Variants in SHANK2 observed in about 807,000 individuals in gnomAD.
SHANK2 encodes the protein SH3 and multiple ankyrin repeat domains 2, also known as SH3 and multiple ankyrin repeat domains protein 2.
SHANK2 carries 43 observed loss-of-function variants against 133.7 expected under a neutral mutation model. The ratio of observed to expected loss-of-function variants is 0.32; its 90% CI spans 0.25 to 0.41. The LOEUF (loss-of-function observed/expected upper bound fraction) is 0.41, where lower values mean the gene tolerates loss of function less well. Ranked by LOEUF, SHANK2 falls within the 10% of genes least tolerant of loss-of-function variation. SHANK2 has a pLI of 1.00. For synonymous variants in SHANK2, 1,017 were observed against 952.8 expected, an observed-to-expected ratio of 1.07 and a Z score of -1.24; for missense variants, 1,994 against 2,235.8, an observed-to-expected ratio of 0.89 and a Z score of 2.18.
At chr11:71,238,685 C>T (rs1377913137) in intron 1 of SHANK2, among the ~76,000 whole-genome samples, 3 of 152,274 alleles carry the variant, frequency 2.0e-5, no homozygotes, top group Admixed American at 2.0e-4. Context: ...GCCTAGAGAA[C>T]AGTGTGCTGA....
chr11:70,847,136 CTG>C (rs1457238183), intron 11 of SHANK2, among the ~76,000 whole-genome samples: 11 of 152,178 alleles, frequency 7.2e-5, no homozygotes, highest in Admixed American at 7.2e-4. Flanking sequence ...GGGTCCTTGA[CTG>C]TGCTGCGACC....
At chr11:71,084,171 C>T (rs948082693) in intron 8 of SHANK2, among the ~76,000 whole-genome samples, 161 of 152,228 alleles carry the variant, frequency 1.1e-3, no homozygotes, top group Non-Finnish European at 2.0e-3. Context: ...TGGGGTTTCA[C>T]CGTGTTAGCC....
chr11:71,082,953 C>G (rs1419275932), intron 8 of SHANK2, among the ~76,000 whole-genome samples: 6 of 148,688 alleles, frequency 4.0e-5, no homozygotes, highest in African/African-American at 1.5e-4. Flanking sequence ...GCCCCCCCCC[C>G]AACCCTTCTG....
At chr11:70,934,168 G>A (rs1362223114) in intron 10 of SHANK2, among the ~76,000 whole-genome samples, 1 of 150,710 alleles carries the variant, frequency 6.6e-6, no homozygotes, top group African/African-American at 2.4e-5. Flanking sequence ...GGAGTTGGAG[G>A]GTGCAGTGAA....
rs550537365 is a variant in SHANK2, at chr11:70,662,931, C to G, written c.1854-1253G>C. On this transcript the variant is annotated intron_variant, in intron 15 of 25. Coordinates refer to ENST00000601538, the MANE Select transcript of SHANK2 (RefSeq NM_012309.5). ...GAGATGAAGGCTACCGGCACCCCCC[C>G]GCCCCGTAGGACTCTGCTGCTGCCC... Among the ~76,000 whole-genome samples the G allele has an allele frequency of 8.5e-4, 129 of 152,236 alleles. 2 individuals are homozygous for G. The highest frequency in any genetic ancestry group is 4.8e-3 in the Admixed American group (73 of 15,300).
intron 12 of SHANK2, among the ~76,000 whole-genome samples, chr11:70,816,943 G>A (rs543603112): frequency 2.8e-4 from 42 of 152,312 alleles, no homozygotes; most frequent in Admixed American, 2.0e-3. Context: ...ATGTCCCTGC[G>A]CCCAGCATGG....
At chr11:70,862,180 G>A (rs550444605) in intron 11 of SHANK2, among the ~76,000 whole-genome samples, 2 of 152,272 alleles carry the variant, frequency 1.3e-5, no homozygotes, top group East Asian at 3.9e-4. Context: ...CAGTGCCCAG[G>A]TGCCAGCTCC....
chr11:71,113,253 G>A (rs782516471), intron 5 of SHANK2, 40 bp downstream of exon 5: 84 of 1,519,480 alleles, frequency 5.5e-5, no homozygotes, highest in Middle Eastern at 5.0e-4. Flanking sequence ...GGAGGACGCC[G>A]CCTGCCTAAC....
intron 10 of SHANK2, among the ~76,000 whole-genome samples, chr11:70,927,614 T>A (rs1555081833): frequency 6.6e-6 from 1 of 152,072 alleles, no homozygotes; most frequent in Non-Finnish European, 1.5e-5. Flanking sequence ...GAAATTCCCA[T>A]TAAGACACAG....
At chr11:71,143,208 C>T (rs1387702812) in intron 3 of SHANK2, among the ~76,000 whole-genome samples, 2 of 152,140 alleles carry the variant, frequency 1.3e-5, no homozygotes, top group Non-Finnish European at 2.9e-5. Context: ...GCACACCAGC[C>T]TGGGTGACAG....
At chr11:71,109,283 G>A (rs1951851561) in intron 6 of SHANK2, among the ~76,000 whole-genome samples, 3 of 152,082 alleles carry the variant, frequency 2.0e-5, no homozygotes, top group South Asian at 4.1e-4. Context: ...CTGTCACCTG[G>A]GGTGACAGTG....
chr11:70,502,374 G>T, intron 18 of SHANK2, 88 bp from the exon 19 acceptor site: 2 of 1,308,420 alleles, frequency 1.5e-6, no homozygotes, highest in Non-Finnish European at 2.1e-6. Context: ...GTGGCTGGCA[G>T]GTGGGTCTCA....
intron 12 of SHANK2, among the ~76,000 whole-genome samples, chr11:70,813,874 T>C (rs1261380751): frequency 1.3e-5 from 2 of 152,142 alleles, no homozygotes; most frequent in East Asian, 3.9e-4. Flanking sequence ...GCCTCTGTGA[T>C]TCTGGTGACG....
chr11:70,641,272 A>G (rs1555006244), intron 17 of SHANK2, among the ~76,000 whole-genome samples: 2 of 151,576 alleles, frequency 1.3e-5, no homozygotes, highest in African/African-American at 2.4e-5. Flanking sequence ...ATTTTTTTGT[A>G]TTAGTAGAGA....
At chr11:70,899,629 A>G (rs1161554354) in intron 10 of SHANK2, among the ~76,000 whole-genome samples, 1 of 152,186 alleles carries the variant, frequency 6.6e-6, no homozygotes, top group Non-Finnish European at 1.5e-5. Flanking sequence ...ATCTCTTCCT[A>G]TAGCCCACCT....
chr11:71,167,806 C>A, intron 2 of SHANK2, among the ~76,000 whole-genome samples: 1 of 140,174 alleles, frequency 7.1e-6, no homozygotes, highest in Non-Finnish European at 1.5e-5. Flanking sequence ...CTGATCCCCC[C>A]ACCTCCCTCC....
intron 2 of SHANK2, among the ~76,000 whole-genome samples, chr11:71,164,258 A>G (rs1292416531): frequency 6.6e-6 from 1 of 152,202 alleles, no homozygotes; most frequent in African/African-American, 2.4e-5. Context: ...CTGGCAGTGG[A>G]GGGCTGGGGG....
Position 70,595,587 on chromosome 11 carries a change from G to T in SHANK2, c.2061+64241C>A, listed in dbSNP as rs189726949. 2.2e-3 allele frequency among the ~76,000 whole-genome samples: 329 copies of T among 152,276 alleles called. 1 individual carries two copies. Among genetic ancestry groups the T allele is most frequent in the African/African-American group, 7.6e-3 (317 of 41,562 alleles). ...AGCCCCTGTCACAGGAGAGGTGAGG[G>T]AAAGTTGAGAACCACAGGGCTTCCA... is the stretch of plus-strand genomic sequence containing the variant. On this transcript the variant is annotated intron_variant, in intron 17 of 25. Coordinates refer to ENST00000601538, the MANE Select transcript of SHANK2 (RefSeq NM_012309.5).
intron 15 of SHANK2, among the ~76,000 whole-genome samples, chr11:70,693,184 C>T (rs1591755887): frequency 6.6e-6 from 1 of 152,332 alleles, no homozygotes; most frequent in Non-Finnish European, 1.5e-5. Flanking sequence ...ATGGGCTCCT[C>T]ACTGGTTTCC....
Sources: gnomAD v4.1 joint callset for allele counts (sites outside exome capture counted in the v4.1 genomes callset) on GRCh38, gnomAD v4.1.1 for gene constraint, MANE v1.5 for transcripts, NCBI Gene and HGNC (gene_info 2026-07-23, HGNC 2026-07-21) for gene names.